Variants in PLGRKT observed in about 807,000 individuals in gnomAD.
PLGRKT encodes plasminogen receptor (KT).
PLGRKT carries 22 observed loss-of-function variants against 18.5 expected under a neutral mutation model. The observed-to-expected ratio is 1.19, with a 90% CI of 0.85 to 1.70. PLGRKT has a LOEUF of 1.70. PLGRKT is among the 40% of genes most tolerant of loss of function. The pLI, the probability that PLGRKT is intolerant of heterozygous loss-of-function variation, is 0.00. For missense variants in PLGRKT, 235 were observed against 174.4 expected, an observed-to-expected ratio of 1.35 and a Z score of -1.96; for synonymous variants, 72 against 52.8, an observed-to-expected ratio of 1.36 and a Z score of -1.58.
intron 2 of PLGRKT, among the ~76,000 whole-genome samples, chr9:5,433,546 G>C (rs1005710565): frequency 2.7e-5 from 4 of 149,942 alleles, no homozygotes; most frequent in Admixed American, 2.0e-4. Context: ...CCCCGTCTGG[G>C]ATGTGAGGAG....
At chr9:5,393,362 T>C (rs190138338) in intron 3 of PLGRKT, among the ~76,000 whole-genome samples, 42 of 151,452 alleles carry the variant, frequency 2.8e-4, no homozygotes, top group African/African-American at 8.6e-4. Context: ...CTCTTGGTGG[T>C]TTTTTTCTAT....
intron 3 of PLGRKT, among the ~76,000 whole-genome samples, chr9:5,395,947 G>A (rs1185908083): frequency 6.9e-6 from 1 of 144,668 alleles, no homozygotes; most frequent in Admixed American, 7.1e-5. Flanking sequence ...AGACTGGCGT[G>A]AGGTGGCACA....
At chr9:5,423,833 G>C (rs1818622905) in intron 3 of PLGRKT, among the ~76,000 whole-genome samples, 1 of 140,660 alleles carries the variant, frequency 7.1e-6, no homozygotes, top group African/African-American at 2.9e-5. Context: ...CTCCTGAATA[G>C]CTGGAACTAT....
At chr9:5,358,735 G>C (rs1157497537) in intron 5 of PLGRKT, among the ~76,000 whole-genome samples, 1 of 152,190 alleles carries the variant, frequency 6.6e-6, no homozygotes, top group Non-Finnish European at 1.5e-5. Flanking sequence ...AAGAGAGAAA[G>C]TAAAGTTTAC....
At chr9:5,397,809 G>A (rs1418002932) in intron 3 of PLGRKT, among the ~76,000 whole-genome samples, 1 of 151,940 alleles carries the variant, frequency 6.6e-6, no homozygotes, top group Non-Finnish European at 1.5e-5. Flanking sequence ...GGCTGCCCTT[G>A]GTGTCAGCTG....
intron 3 of PLGRKT, among the ~76,000 whole-genome samples, chr9:5,370,881 C>T (rs1312431490): frequency 6.6e-6 from 1 of 152,070 alleles, no homozygotes; most frequent in Non-Finnish European, 1.5e-5. Flanking sequence ...TGTTCAATGT[C>T]CAGTCTAGGA....
intron 3 of PLGRKT, among the ~76,000 whole-genome samples, chr9:5,388,168 G>C (rs1051018454): frequency 2.0e-5 from 3 of 151,888 alleles, no homozygotes; most frequent in African/African-American, 7.3e-5. Context: ...GGCAATCTGA[G>C]CCACAGCCAC....
chr9:5,372,513 A>G (rs1458473099), intron 3 of PLGRKT, among the ~76,000 whole-genome samples: 2 of 152,144 alleles, frequency 1.3e-5, no homozygotes, highest in Non-Finnish European at 2.9e-5. Flanking sequence ...GTAAGTTTGC[A>G]CTCTACATTA....
chr9:5,383,485 G>A (rs1817784251), intron 3 of PLGRKT, among the ~76,000 whole-genome samples: 1 of 152,096 alleles, frequency 6.6e-6, no homozygotes, highest in South Asian at 2.1e-4. Flanking sequence ...TGATTCAAGT[G>A]CATTATATTT....
At chr9:5,428,381 G>C (rs1433328525) in intron 3 of PLGRKT, among the ~76,000 whole-genome samples, 2 of 152,118 alleles carry the variant, frequency 1.3e-5, no homozygotes, top group East Asian at 1.9e-4. Context: ...TGTTGGACTG[G>C]ACACGAGTGC....
intron 3 of PLGRKT, among the ~76,000 whole-genome samples, chr9:5,417,451 T>A (rs1818485551): frequency 6.6e-6 from 1 of 151,380 alleles, no homozygotes; most frequent in African/African-American, 2.4e-5. Flanking sequence ...CAGGAGTAAA[T>A]CCATATGAAG....
intron 3 of PLGRKT, among the ~76,000 whole-genome samples, chr9:5,380,234 G>A (rs1381417722): frequency 6.6e-6 from 1 of 151,924 alleles, no homozygotes. Flanking sequence ...GCGTGGTGGT[G>A]GGCACCTGTA....
intron 3 of PLGRKT, among the ~76,000 whole-genome samples, chr9:5,414,120 T>G (rs1291323886): frequency 6.6e-6 from 1 of 152,064 alleles, no homozygotes; most frequent in East Asian, 1.9e-4. Flanking sequence ...GGAGGGGGAA[T>G]GGGAATGAGT....
chr9:5,368,664 G>A (rs768571761), intron 3 of PLGRKT, among the ~76,000 whole-genome samples: 4 of 152,048 alleles, frequency 2.6e-5, no homozygotes, highest in Admixed American at 6.6e-5. Context: ...GGAATCATTC[G>A]TACCCCAAAC....
chr9:5,379,487 C>T (rs1330455002), intron 3 of PLGRKT, among the ~76,000 whole-genome samples: 2 of 151,988 alleles, frequency 1.3e-5, no homozygotes, highest in Non-Finnish European at 2.9e-5. Flanking sequence ...TCAACAGCCA[C>T]ATGTGAGTGG....
At chr9:5,367,822 T>C (rs776584970) in intron 3 of PLGRKT, among the ~76,000 whole-genome samples, 3 of 151,910 alleles carry the variant, frequency 2.0e-5, no homozygotes, top group Non-Finnish European at 2.9e-5. Context: ...TGGGAGAAAA[T>C]ATTTGCAAAT....
Position 5,368,579 on chromosome 9 carries a change from T to C in PLGRKT, c.82-6691A>G, listed in dbSNP as rs1003527195. 3.9e-5 allele frequency among the ~76,000 whole-genome samples: 6 copies of C among 152,202 alleles called. No individual in the cohort carries two copies. The South Asian group carries it at 6.2e-4, about 16-fold the overall frequency. ...GGCAACAATAGACACCAAGGACTAC[T>C]AGAAGGGGTAGAGGGGGAGGGAAGC... On this transcript the variant is annotated intron_variant, in intron 3 of 5. Transcript: ENST00000223864.
chr9:5,377,686 C>T (rs746801206), intron 3 of PLGRKT, among the ~76,000 whole-genome samples: 44 of 152,222 alleles, frequency 2.9e-4, no homozygotes, highest in Middle Eastern at 3.4e-3. Flanking sequence ...ATAAGAATGC[C>T]GGAGAAGCTC....
At chr9:5,415,699 T>C (rs1818446310) in intron 3 of PLGRKT, among the ~76,000 whole-genome samples, 1 of 152,130 alleles carries the variant, frequency 6.6e-6, no homozygotes, top group Non-Finnish European at 1.5e-5. Flanking sequence ...ATTTTGTGGT[T>C]TAAGAAAAAT....
Sources: gnomAD v4.1 joint callset for allele counts (sites outside exome capture counted in the v4.1 genomes callset) on GRCh38, gnomAD v4.1.1 for gene constraint, MANE v1.5 for transcripts, NCBI Gene and HGNC (gene_info 2026-07-23, HGNC 2026-07-21) for gene names.